Variants in NBEA observed in about 807,000 individuals in gnomAD.
NBEA encodes lysosomal-trafficking regulator 2.
NBEA carries 44 observed loss-of-function variants against 343.4 expected under a neutral mutation model. That is an observed-to-expected ratio of 0.13 (90% CI 0.10 to 0.16). The LOEUF (loss-of-function observed/expected upper bound fraction) is 0.16. Ranked by LOEUF, NBEA falls within the 10% of genes least tolerant of loss-of-function variation. The pLI is 1.00. For synonymous variants in NBEA, 1,175 were observed against 1,238.7 expected (o/e 0.95, Z 1.08); for missense variants, 2,555 against 3,631.3 (o/e 0.70, Z 7.62).
intron 24 of NBEA, among the ~76,000 whole-genome samples, chr13:35,165,348 A>G (rs964157343): frequency 9.9e-5 from 15 of 152,090 alleles, no homozygotes; most frequent in African/African-American, 2.7e-4. Context: ...ATCCTCACAC[A>G]CTTTCCCCAG....
chr13:35,115,656 T>C (rs1297974818), intron 13 of NBEA, among the ~76,000 whole-genome samples: 1 of 152,238 alleles, frequency 6.6e-6, no homozygotes, highest in Non-Finnish European at 1.5e-5. Context: ...GTATTTTATT[T>C]TGCAGAAATG....
chr13:34,961,494 A>G (rs1405714057), intron 1 of NBEA, among the ~76,000 whole-genome samples: 1 of 151,978 alleles, frequency 6.6e-6, no homozygotes, highest in Admixed American at 6.6e-5. Context: ...ACGCACCCCC[A>G]TATAAATACC....
intron 34 of NBEA, among the ~76,000 whole-genome samples, chr13:35,279,450 TA>T (rs1220697758): frequency 1.3e-5 from 2 of 152,160 alleles, no homozygotes; most frequent in Non-Finnish European, 2.9e-5. Context: ...CAGACTAAAA[TA>T]ATTCTGAAAT....
intron 44 of NBEA, among the ~76,000 whole-genome samples, chr13:35,556,534 T>G (rs2079580007): frequency 6.6e-6 from 1 of 152,088 alleles, no homozygotes; most frequent in African/African-American, 2.4e-5. Flanking sequence ...CCTCTTGCTT[T>G]TTATATTGTT....
chr13:35,556,757 G>A (rs758520594), intron 44 of NBEA, among the ~76,000 whole-genome samples: 5 of 151,710 alleles, frequency 3.3e-5, no homozygotes, highest in South Asian at 2.1e-4. Flanking sequence ...GCTTATATTC[G>A]CAAATATAAA....
intron 38 of NBEA, among the ~76,000 whole-genome samples, chr13:35,422,601 A>G (rs928390841): frequency 3.9e-5 from 6 of 152,158 alleles, no homozygotes; most frequent in African/African-American, 1.2e-4. Flanking sequence ...TAGTGCCACA[A>G]TTAACATATG....
chr13:35,544,175 G>A (rs972656410), intron 41 of NBEA, among the ~76,000 whole-genome samples: 17 of 152,272 alleles, frequency 1.1e-4, no homozygotes, highest in Admixed American at 9.2e-4. Flanking sequence ...TGCAAGTGTG[G>A]ATTGAACGCG....
rs184145090 is a variant in NBEA, at chr13:35,142,006, A to T, written c.2337-263A>T. 6.6e-5 allele frequency among the ~76,000 whole-genome samples: 10 copies of T among 152,270 alleles called. No homozygotes were observed. In the East Asian group the frequency reaches 1.9e-3, roughly 29 times the overall value. On this transcript the variant is annotated intron_variant, in intron 17 of 58. Transcript: ENST00000379939. ...TTGAAATTTGAAAATAATAACAATGACATGTATGTAATATTCCATAATTTG... is the reference window on the plus strand; with the variant it reads ...TTGAAATTTGAAAATAATAACAATGTCATGTATGTAATATTCCATAATTTG...
At chr13:35,332,057 A>C (rs1418759075) in intron 36 of NBEA, among the ~76,000 whole-genome samples, 1 of 152,004 alleles carries the variant, frequency 6.6e-6, no homozygotes, top group Non-Finnish European at 1.5e-5. Context: ...ATACTCATGC[A>C]TTCATTCAGT....
intron 38 of NBEA, among the ~76,000 whole-genome samples, chr13:35,379,104 A>C (rs1005970323): frequency 4.6e-5 from 7 of 151,480 alleles, no homozygotes; most frequent in African/African-American, 1.5e-4. Flanking sequence ...TTATGAATAG[A>C]GTTCTGTTGA....
chr13:35,656,238 G>A (rs933214530), intron 55 of NBEA, among the ~76,000 whole-genome samples: 4 of 152,172 alleles, frequency 2.6e-5, no homozygotes, highest in African/African-American at 9.7e-5. Flanking sequence ...CATTGTGGGA[G>A]ATGCAAAAAC....
intron 13 of NBEA, among the ~76,000 whole-genome samples, chr13:35,114,946 C>G (rs76376246): frequency 8.5e-5 from 13 of 152,096 alleles, no homozygotes; most frequent in Non-Finnish European, 1.2e-4. Flanking sequence ...ACTACACTAG[C>G]TTTCGTAGAA....
intron 10 of NBEA, among the ~76,000 whole-genome samples, chr13:35,091,035 G>T (rs1256153035): frequency 6.6e-6 from 1 of 151,940 alleles, no homozygotes; most frequent in Non-Finnish European, 1.5e-5. Flanking sequence ...CTAGTTCTGA[G>T]TGCCCTGTTA....
chr13:35,517,447 A>G (rs2077527670), intron 41 of NBEA, among the ~76,000 whole-genome samples: 2 of 152,172 alleles, frequency 1.3e-5, no homozygotes, highest in South Asian at 4.2e-4. Flanking sequence ...CAAGCTCATA[A>G]TTTTCCTTTT....
chr13:35,116,893 G>A (rs1256752353), intron 13 of NBEA, among the ~76,000 whole-genome samples: 4 of 151,860 alleles, frequency 2.6e-5, no homozygotes, highest in East Asian at 3.9e-4. Flanking sequence ...TATTGACGCA[G>A]CATAAATGCC....
intron 38 of NBEA, among the ~76,000 whole-genome samples, chr13:35,387,289 A>G (rs2042286186): frequency 6.6e-6 from 1 of 152,160 alleles, no homozygotes; most frequent in Non-Finnish European, 1.5e-5. Flanking sequence ...AGAAGGTCAG[A>G]GCCTCAACTG....
intron 36 of NBEA, among the ~76,000 whole-genome samples, chr13:35,312,567 G>C (rs892120199): frequency 6.6e-6 from 1 of 152,152 alleles, no homozygotes; most frequent in East Asian, 1.9e-4. Flanking sequence ...AAATGTTTAG[G>C]TGTGGCCTGC....
chr13:35,484,153 T>C (rs2076220039), intron 41 of NBEA, among the ~76,000 whole-genome samples: 1 of 151,936 alleles, frequency 6.6e-6, no homozygotes, highest in Non-Finnish European at 1.5e-5. Flanking sequence ...TGTCATAAGC[T>C]TTTAATTATG....
At chr13:35,049,408 A>G (rs563188049) in intron 5 of NBEA, among the ~76,000 whole-genome samples, 12 of 151,998 alleles carry the variant, frequency 7.9e-5, no homozygotes, top group East Asian at 5.8e-4. Context: ...GGTGTCTTCA[A>G]CTATACCAAT....
Sources: gnomAD v4.1 joint callset for allele counts (sites outside exome capture counted in the v4.1 genomes callset) on GRCh38, gnomAD v4.1.1 for gene constraint, MANE v1.5 for transcripts, NCBI Gene and HGNC (gene_info 2026-07-23, HGNC 2026-07-21) for gene names.